Variants in ANO2 observed in about 807,000 individuals in gnomAD.
The protein encoded by ANO2 is anoctamin-2.
ANO2 carries 101 observed loss-of-function variants against 124.2 expected under a neutral mutation model. That is an observed-to-expected ratio of 0.81 (90% CI 0.69 to 0.96). The LOEUF (loss-of-function observed/expected upper bound fraction) is 0.96. Among genes scored for constraint, ANO2 ranks in the 40% least tolerant of loss-of-function variants. The pLI is 0.00. For missense variants in ANO2, 1,293 were observed against 1,274.5 expected (o/e 1.01, Z -0.22); for synonymous variants, 486 against 482.5 (o/e 1.01, Z -0.09).
At chr12:5,702,309 CA>C (rs561385968) in intron 14 of ANO2, among the ~76,000 whole-genome samples, 1 of 152,016 alleles carries the variant, frequency 6.6e-6, no homozygotes, top group Admixed American at 6.5e-5. Context: ...CCATGTTTTA[CA>C]AGTAAATTCC....
chr12:5,644,698 A>G (rs1333013085), intron 15 of ANO2, among the ~76,000 whole-genome samples: 1 of 152,240 alleles, frequency 6.6e-6, no homozygotes, highest in Non-Finnish European at 1.5e-5. Flanking sequence ...GGTCTTCCAT[A>G]TGGGATCACA....
At position 5,658,342 on chromosome 12, in the gene ANO2, C is replaced by T. The variant is rs1451494225; in HGVS notation, c.1546-10541G>A. On this transcript the variant is annotated intron_variant, in intron 14 of 24. Coordinates refer to ENST00000682330, the MANE Select transcript of ANO2 (RefSeq NM_001364791.2). This position sits in a 1 kb window ranked among gnomAD's most constrained non-coding sequence, Gnocchi z 4.3. ...AATATACATAGAACTGTCCCTGGCA[C>T]ATAGTTAGAACCCAATACTTGTTGC... 6.6e-6 allele frequency among the ~76,000 whole-genome samples: 1 copy of T among 152,066 alleles called. No individual in the cohort carries two copies. Among genetic ancestry groups the T allele is most frequent in the African/African-American group, 2.4e-5 (1 of 41,360 alleles).
At chr12:5,861,403 G>C (rs74059034) in intron 3 of ANO2, among the ~76,000 whole-genome samples, 2,641 of 144,512 alleles carry the variant, frequency 0.018, 69 homozygotes, top group African/African-American at 0.059. Flanking sequence ...GCAGGGACTG[G>C]AGGTCGCGCT....
Position 5,766,614 on chromosome 12 carries a change from T to C in ANO2, c.1056-15644A>G, listed in dbSNP as rs186451790. On this transcript the variant is annotated intron_variant, in intron 10 of 24. Coordinates refer to ENST00000682330, the MANE Select transcript of ANO2 (RefSeq NM_001364791.2). ...TAATGTTTTTCCTTCATCTGGGTAT[T>C]GGTTGCATGGAAGATGCAGGAAGCT... Among the ~76,000 whole-genome samples the C allele has an allele frequency of 3.3e-5, 5 of 152,294 alleles. No individual in the cohort carries two copies. In the East Asian group the frequency reaches 9.7e-4, roughly 29 times the overall value.
intron 14 of ANO2, among the ~76,000 whole-genome samples, chr12:5,709,740 A>G (rs12426540): frequency 0.13 from 19,342 of 152,196 alleles, 1,383 homozygotes; most frequent in East Asian, 0.22. Flanking sequence ...TTTAGGACAA[A>G]TGAGTGTGTC....
At chr12:5,591,591 G>A (rs767925732) in intron 20 of ANO2, among the ~76,000 whole-genome samples, 1 of 152,292 alleles carries the variant, frequency 6.6e-6, no homozygotes, top group Non-Finnish European at 1.5e-5. Flanking sequence ...GAGAGGTAGA[G>A]GATTGAGAGA....
At chr12:5,922,829 G>A (rs1418157765) in intron 1 of ANO2, 25 bp from the exon 2 acceptor site, 3 of 1,471,502 alleles carry the variant, frequency 2.0e-6, no homozygotes, top group Non-Finnish European at 2.7e-6. Flanking sequence ...GACAAGGGAG[G>A]CAAAACAGCC....
intron 13 of ANO2, among the ~76,000 whole-genome samples, chr12:5,735,165 C>A (rs1205750337): frequency 6.6e-6 from 1 of 152,128 alleles, no homozygotes; most frequent in Non-Finnish European, 1.5e-5. Context: ...GGGAGGGCTG[C>A]TTTGACACAC....
intron 3 of ANO2, among the ~76,000 whole-genome samples, chr12:5,866,170 T>C (rs1282930775): frequency 6.6e-6 from 1 of 152,176 alleles, no homozygotes; most frequent in Non-Finnish European, 1.5e-5. Context: ...TGTGAGGAAA[T>C]AATGGCCAGG....
chr12:5,823,424 A>C (rs889785713), intron 7 of ANO2, among the ~76,000 whole-genome samples: 1 of 152,244 alleles, frequency 6.6e-6, no homozygotes, highest in African/African-American at 2.4e-5. Context: ...ATTGACCAAA[A>C]CAAAGGGGTT....
chr12:5,792,106 C>T (rs867514839), intron 10 of ANO2, among the ~76,000 whole-genome samples: 1 of 152,192 alleles, frequency 6.6e-6, no homozygotes, highest in Non-Finnish European at 1.5e-5. Flanking sequence ...GTGCTATCAC[C>T]CCTATTTCAT....
rs533352340 is a variant in ANO2 at position 5,569,668 on chromosome 12, G to A, written c.2622-4005C>T. On this transcript the variant is annotated intron_variant, in intron 23 of 24. Transcript: ENST00000682330. ...GAACTCCCAAAATGTGTATCCCAGC[G>A]CTGAGCATAGAGGAGCTGTCTCAAT... 5.3e-5 allele frequency among the ~76,000 whole-genome samples: 8 copies of A among 152,220 alleles called. No individual in the cohort carries two copies. In the South Asian group the frequency reaches 8.3e-4, roughly 16 times the overall value.
intron 3 of ANO2, among the ~76,000 whole-genome samples, chr12:5,895,987 T>C (rs1408538275): frequency 6.6e-6 from 1 of 152,026 alleles, no homozygotes; most frequent in East Asian, 1.9e-4. Flanking sequence ...TTGCAGCAAA[T>C]TGGATGGAGC....
Position 5,748,629 on chromosome 12 carries a change from C to T in ANO2, c.1190+2207G>A, listed in dbSNP as rs114972177. ...TAATGCCTGTTTACGGCGTGTATAACATTGATCTCTTACAGGATCAAAGAA... is the reference window on the plus strand; with the variant it reads ...TAATGCCTGTTTACGGCGTGTATAATATTGATCTCTTACAGGATCAAAGAA... On this transcript the variant is annotated intron_variant, in intron 11 of 24. Coordinates refer to ENST00000682330, the MANE Select transcript of ANO2 (RefSeq NM_001364791.2). 3.5e-3 allele frequency among the ~76,000 whole-genome samples: 530 copies of T among 152,194 alleles called. 7 individuals are homozygous for T. Among genetic ancestry groups the T allele is most frequent in the African/African-American group, 0.012 (506 of 41,512 alleles).
chr12:5,705,011 T>C (rs371970091), intron 14 of ANO2, among the ~76,000 whole-genome samples: 2 of 152,208 alleles, frequency 1.3e-5, no homozygotes, highest in East Asian at 3.8e-4. Context: ...ACTAACAGAT[T>C]GTACATTATT....
In ANO2 at chr12:5,661,589, C is replaced by T. The variant is rs565278242; in HGVS notation, c.1546-13788G>A. 4.6e-5 allele frequency among the ~76,000 whole-genome samples: 7 copies of T among 152,186 alleles called. No homozygotes were observed. The East Asian group carries it at 5.9e-4, about 13-fold the overall frequency. On this transcript the variant is annotated intron_variant, in intron 14 of 24. Coordinates refer to ENST00000682330, the MANE Select transcript of ANO2 (RefSeq NM_001364791.2). ...AGAGCTGGGGCTTGGCACTCAGTGA[C>T]GCTCAGGCCATGGGGAAGACAGGCC... is the stretch of plus-strand genomic sequence containing the variant.
Position 5,832,435 on chromosome 12 carries a change from G to C in ANO2, c.785+17C>G. Reference sequence around the variant, plus strand: ...TATCCCTTCCCACATCTCTGCTCCAGCAGCTTCAATACTCACAGGTACATC... The same window carrying C: ...TATCCCTTCCCACATCTCTGCTCCACCAGCTTCAATACTCACAGGTACATC... On this transcript the variant is annotated intron_variant, in intron 5 of 24. Transcript: ENST00000682330. 2 of 1,613,708 alleles carry C rather than the reference G, an allele frequency of 1.2e-6. No homozygotes were observed. Among genetic ancestry groups the C allele is most frequent in the Non-Finnish European group, 1.7e-6 (2 of 1,179,708 alleles).
At chr12:5,713,978 G>T (rs1006410553) in intron 14 of ANO2, among the ~76,000 whole-genome samples, 1 of 152,196 alleles carries the variant, frequency 6.6e-6, no homozygotes, top group Non-Finnish European at 1.5e-5. Flanking sequence ...CAGAAGGAGA[G>T]ATGTTAAAAC....
intron 3 of ANO2, among the ~76,000 whole-genome samples, chr12:5,884,253 G>A (rs1938724446): frequency 1.3e-5 from 2 of 152,326 alleles, no homozygotes; most frequent in South Asian, 4.1e-4. Flanking sequence ...CATGAGAAGA[G>A]GATGAAATTA....
Sources: allele counts gnomAD v4.1 joint callset (sites outside exome capture counted in the v4.1 genomes callset), GRCh38; gene constraint gnomAD v4.1.1; non-coding constraint Gnocchi (gnomAD v3.1); transcripts MANE v1.5; gene names NCBI Gene and HGNC (gene_info 2026-07-23, HGNC 2026-07-21).